DAB1: variants seen among roughly 807,000 people sequenced by gnomAD.
The protein encoded by DAB1 is disabled homolog 1.
In DAB1, 15 loss-of-function variants were observed where a neutral mutation model predicts 64.6. That is an observed-to-expected ratio of 0.23 (90% CI 0.16 to 0.36). DAB1 has a LOEUF of 0.36. Among genes scored for constraint, DAB1 ranks in the 10% least tolerant of loss-of-function variants. The pLI is 1.00. For synonymous variants in DAB1, 235 were observed against 251.9 expected (o/e 0.93, Z 0.64); for missense variants, 596 against 706.7 (o/e 0.84, Z 1.78).
intron 2 of DAB1, among the ~76,000 whole-genome samples, chr1:57,227,507 AT>A (rs1001628810): frequency 8.1e-5 from 11 of 135,252 alleles, no homozygotes; most frequent in Non-Finnish European, 1.6e-4. Flanking sequence ...TGGAGGCAGG[AT>A]TTTTTTTCTT....
chr1:58,459,590 A>G (rs1300711417), intron 3 of DAB1, among the ~76,000 whole-genome samples: 1 of 152,268 alleles, frequency 6.6e-6, no homozygotes, highest in Non-Finnish European at 1.5e-5. Flanking sequence ...GGGAACAAAA[A>G]TAAGAGTGCA....
chr1:58,073,498 G>A (rs1649403940), intron 5 of DAB1, among the ~76,000 whole-genome samples: 1 of 152,146 alleles, frequency 6.6e-6, no homozygotes, highest in African/African-American at 2.4e-5. Context: ...ACAGTAGACT[G>A]TGACTTCCTT....
chr1:58,274,905 TGG>T, intron 4 of DAB1, among the ~76,000 whole-genome samples: 1 of 151,760 alleles, frequency 6.6e-6, no homozygotes, highest in South Asian at 2.1e-4. Context: ...GCCCACTGTC[TGG>T]CACTCCCTAG....
intron 5 of DAB1, among the ~76,000 whole-genome samples, chr1:58,034,627 C>CA (rs1279686317): frequency 6.6e-6 from 1 of 151,972 alleles, no homozygotes; most frequent in African/African-American, 2.4e-5. Flanking sequence ...AGAAAGGAAA[C>CA]AAAAAAGGAT....
Position 56,997,838 on chromosome 1 carries a change from A to G in DAB1, c.*306T>C, listed in dbSNP as rs2101602122. 1 of 152,320 alleles carries G rather than the reference A, an allele frequency of 6.6e-6. No homozygotes were observed. The highest frequency in any genetic ancestry group is 2.4e-5 in the African/African-American group (1 of 41,568). The allele number at this position is 152,320 out of a possible 1,614,324, so 9.4% of individuals were successfully genotyped here. Reference sequence around the variant, plus strand: ...CTTAAACCCAGCTATGAGGGCTCAAATATTTGTTGGGTAAGCATTTGCTTG... The same window carrying G: ...CTTAAACCCAGCTATGAGGGCTCAAGTATTTGTTGGGTAAGCATTTGCTTG... On this transcript the variant is annotated 3_prime_UTR_variant, in exon 15 of 15. Transcript: ENST00000371236.
intron 7 of DAB1, among the ~76,000 whole-genome samples, chr1:57,586,515 C>T (rs1029897565): frequency 6.6e-6 from 1 of 151,694 alleles, no homozygotes; most frequent in Non-Finnish European, 1.5e-5. Context: ...TCTATAACAA[C>T]ACTCACTTCA....
chr1:58,440,034 G>A lies in DAB1; in HGVS notation n.257+66026C>T, dbSNP rs181356811. Among the ~76,000 whole-genome samples, 4 of 152,296 alleles carry A rather than the reference G, an allele frequency of 2.6e-5. No homozygotes were observed. In the South Asian group the frequency reaches 6.2e-4, roughly 24 times the overall value. On this transcript the variant is annotated intron_variant and non_coding_transcript_variant, in intron 3 of 20. Coordinates refer to the DAB1 transcript ENST00000485760. ...CCTTGTCTTCCTGACAAGATTTTAG[G>A]GAGGACTAGACACCTTGATGAAATT...
At chr1:58,303,772 A>G (rs1343018428) in intron 4 of DAB1, among the ~76,000 whole-genome samples, 1 of 152,200 alleles carries the variant, frequency 6.6e-6, no homozygotes, top group Admixed American at 6.5e-5. Flanking sequence ...CATTTTGGCT[A>G]ATAATTTAAT....
intron 3 of DAB1, chr1:58,480,948 G>A: frequency 3.5e-6 from 3 of 848,152 alleles, no homozygotes; most frequent in Non-Finnish European, 6.1e-6. Context: ...TATATCTTGT[G>A]TCTCATAAAT....
intron 8 of DAB1, among the ~76,000 whole-genome samples, chr1:57,067,678 G>C (rs566944352): frequency 6.6e-6 from 1 of 152,138 alleles, no homozygotes; most frequent in African/African-American, 2.4e-5. Context: ...ACAGAAAAGG[G>C]TCTTGCCTGA....
chr1:58,508,211 T>A (rs1019697520), intron 2 of DAB1, among the ~76,000 whole-genome samples: 2 of 152,190 alleles, frequency 1.3e-5, no homozygotes, highest in Admixed American at 6.6e-5. Flanking sequence ...GATAAGAGTG[T>A]TGAGTTTGTC....
At chr1:57,619,324 A>T (rs922993657) in intron 7 of DAB1, among the ~76,000 whole-genome samples, 2 of 152,220 alleles carry the variant, frequency 1.3e-5, no homozygotes, top group Non-Finnish European at 2.9e-5. Flanking sequence ...AGCACCTGGT[A>T]CATGACAACG....
chr1:57,834,616 T>C (rs1652729097), intron 1 of DAB1, among the ~76,000 whole-genome samples: 1 of 151,720 alleles, frequency 6.6e-6, no homozygotes, highest in African/African-American at 2.4e-5. Flanking sequence ...CACACAGTTA[T>C]ATATATACAT....
intron 2 of DAB1, among the ~76,000 whole-genome samples, chr1:57,207,442 C>CTTTTT (rs1553156160): frequency 9.5e-6 from 1 of 105,124 alleles, no homozygotes; most frequent in African/African-American, 3.3e-5. Context: ...ACCTTATTTC[C>CTTTTT]TTTCTTTTTT....
rs116723883 is a variant in DAB1 at position 58,277,568 on chromosome 1, C to T, written n.309+65784G>A. ...TGCTCGGATCCACTTGAATTCAATC[C>T]TTCCTCTTTCATTCACTCAGTCAGA... On this transcript the variant is annotated intron_variant and non_coding_transcript_variant, in intron 4 of 20. Coordinates refer to the DAB1 transcript ENST00000485760. 2.3e-3 allele frequency among the ~76,000 whole-genome samples: 352 copies of T among 152,312 alleles called. 4 individuals are homozygous for T. Among genetic ancestry groups the T allele is most frequent in the Middle Eastern group, 6.8e-3 (2 of 294 alleles).
intron 4 of DAB1, among the ~76,000 whole-genome samples, chr1:58,162,417 A>C (rs1655591510): frequency 6.6e-6 from 1 of 152,044 alleles, no homozygotes; most frequent in South Asian, 2.1e-4. Context: ...TTTTCTTTTA[A>C]ATAAGTATAA....
intron 3 of DAB1, among the ~76,000 whole-genome samples, chr1:58,417,481 G>A (rs1644731970): frequency 6.6e-6 from 1 of 152,074 alleles, no homozygotes; most frequent in Non-Finnish European, 1.5e-5. Flanking sequence ...GGAGTGGTTG[G>A]AGGATGGGAG....
intron 5 of DAB1, among the ~76,000 whole-genome samples, chr1:58,043,298 T>A (rs1647167403): frequency 6.6e-6 from 1 of 152,228 alleles, no homozygotes. Context: ...ATGGGTCAAG[T>A]AATATAATTT....
chr1:57,491,138 A>G (rs1216918976), intron 7 of DAB1, among the ~76,000 whole-genome samples: 4 of 152,166 alleles, frequency 2.6e-5, no homozygotes, highest in Non-Finnish European at 5.9e-5. Context: ...GGATAACAAT[A>G]TATTTTTTGG....
Sources: gnomAD v4.1 joint callset for allele counts (sites outside exome capture counted in the v4.1 genomes callset) on GRCh38, gnomAD v4.1.1 for gene constraint, MANE v1.5 for transcripts, NCBI Gene and HGNC (gene_info 2026-07-23, HGNC 2026-07-21) for gene names.